SLC24A4: variants seen among roughly 807,000 people sequenced by gnomAD.
SLC24A4 encodes sodium/potassium/calcium exchanger 4.
In SLC24A4, 53 loss-of-function variants were observed where a neutral mutation model predicts 79.0. The ratio of observed to expected loss-of-function variants is 0.67; its 90% CI spans 0.54 to 0.84. SLC24A4 has a LOEUF of 0.84. SLC24A4 is among the 40% of genes least tolerant of loss of function. The pLI is 0.00. For missense variants in SLC24A4, 731 were observed against 822.0 expected (o/e 0.89, Z 1.35); for synonymous variants, 323 against 323.8 (o/e 1.00, Z 0.03).
chr14:92,493,801 G>T lies in SLC24A4; in HGVS notation c.*173G>T. 1 of 760,378 alleles carries T rather than the reference G, an allele frequency of 1.3e-6. No homozygotes were observed. Among genetic ancestry groups the T allele is most frequent in the Non-Finnish European group, 2.1e-6 (1 of 483,918 alleles). 47.1% of individuals were successfully genotyped at this position (760,378 alleles called of 1,614,324 possible). A position where few individuals can be genotyped will look rare whatever the true frequency, so the allele number is the denominator to read the frequency against. ...TTGTCTGGCCACAGGCCAGGCTGCT[G>T]GGCATCCTCCTCCTCCTTGGAGTTC... On this transcript the variant is annotated 3_prime_UTR_variant, in exon 17 of 17. Transcript: ENST00000532405.
rs77117922 is a variant in SLC24A4 at position 92,375,883 on chromosome 14, A to G, written c.241+49905A>G. 8.1e-3 allele frequency among the ~76,000 whole-genome samples: 1,234 copies of G among 152,266 alleles called. 18 individuals are homozygous for G. Among genetic ancestry groups the G allele is most frequent in the African/African-American group, 0.029 (1,196 of 41,552 alleles). ...TTTTGTGATGAGGAAAATATTTGCA[A>G]CAAGATGGTTCTTCCCAAAGGTGGT... is the stretch of plus-strand genomic sequence containing the variant. On this transcript the variant is annotated intron_variant, in intron 2 of 16. Coordinates refer to ENST00000532405, the MANE Select transcript of SLC24A4 (RefSeq NM_153646.4).
intron 2 of SLC24A4, among the ~76,000 whole-genome samples, chr14:92,379,784 C>T (rs1888726801): frequency 6.6e-6 from 1 of 152,140 alleles, no homozygotes; most frequent in African/African-American, 2.4e-5. Flanking sequence ...CCTGCTCACC[C>T]TGCTCTCCCA....
intron 2 of SLC24A4, among the ~76,000 whole-genome samples, chr14:92,358,377 G>A (rs1887298670): frequency 6.6e-6 from 1 of 152,158 alleles, no homozygotes; most frequent in Non-Finnish European, 1.5e-5. Flanking sequence ...GAGAGCACAA[G>A]TGGAAATCCC....
At chr14:92,489,915 G>A (rs1358672027) in intron 14 of SLC24A4, among the ~76,000 whole-genome samples, 4 of 152,130 alleles carry the variant, frequency 2.6e-5, no homozygotes, top group South Asian at 2.1e-4. Context: ...GCATGTTCCC[G>A]CATCTTACCG....
rs1188827789 is a variant in SLC24A4, at chr14:92,341,449, TCGATAAAGG to T, written c.241+15476_241+15484del. On this transcript the variant is annotated intron_variant, in intron 2 of 16. Transcript: ENST00000532405. ...AACTCCCCAGAGACCTGCAGGAGTG[TCGATAAAGG>T]CGATTAATGGAGTAGATAGAATGAC... Among the ~76,000 whole-genome samples, 4 of 152,144 alleles carry T rather than the reference TCGATAAAGG, an allele frequency of 2.6e-5. No individual in the cohort carries two copies. The East Asian group carries it at 7.7e-4, about 29-fold the overall frequency.
chr14:92,396,456 A>G (rs925373251), intron 2 of SLC24A4, among the ~76,000 whole-genome samples: 4 of 152,146 alleles, frequency 2.6e-5, no homozygotes. Context: ...TCCTTTGTGG[A>G]CCACAGTGTA....
At chr14:92,434,442 A>C (rs1892053932) in intron 3 of SLC24A4, among the ~76,000 whole-genome samples, 1 of 152,170 alleles carries the variant, frequency 6.6e-6, no homozygotes, top group African/African-American at 2.4e-5. Context: ...ACTATTTTTC[A>C]GTGTTATGAT....
At chr14:92,432,039 C>G (rs1449106798) in intron 2 of SLC24A4, among the ~76,000 whole-genome samples, 1 of 152,204 alleles carries the variant, frequency 6.6e-6, no homozygotes, top group Non-Finnish European at 1.5e-5. Flanking sequence ...TAGTGCCTGC[C>G]TTGTGGGTTC....
At position 92,370,247 on chromosome 14, in the gene SLC24A4, C is replaced by T. The variant is rs182039932; in HGVS notation, c.241+44269C>T. Among the ~76,000 whole-genome samples the T allele has an allele frequency of 4.2e-3, 646 of 152,254 alleles. 2 individuals are homozygous for T. The highest frequency in any genetic ancestry group is 6.7e-3 in the Non-Finnish European group (457 of 68,010). On this transcript the variant is annotated intron_variant, in intron 2 of 16. Coordinates refer to ENST00000532405, the MANE Select transcript of SLC24A4 (RefSeq NM_153646.4). ...ATAAAATAGAGAAAGTCTTCCAGAA[C>T]GTAGAGCAAAAAGACAAAGATTTAG...
At position 92,491,193 on chromosome 14, in the gene SLC24A4, T is replaced by G. The variant is rs148058613; in HGVS notation, c.1538-472T>G. Among the ~76,000 whole-genome samples the G allele has an allele frequency of 3.5e-3, 526 of 152,346 alleles. 2 individuals carry two copies. The highest frequency in any genetic ancestry group is 3.6e-3 in the Non-Finnish European group (244 of 68,036). ...GAGTATATTTATCCCGCTATTTATT[T>G]TTTCAATAACTGTGACCTCCTGCAC... On this transcript the variant is annotated intron_variant, in intron 14 of 16. Transcript: ENST00000532405.
At chr14:92,406,634 T>A (rs892120274) in intron 2 of SLC24A4, among the ~76,000 whole-genome samples, 2 of 152,174 alleles carry the variant, frequency 1.3e-5, no homozygotes, top group African/African-American at 4.8e-5. Flanking sequence ...GGGGATTACA[T>A]CCTCTGAAAC....
chr14:92,414,574 AAAAC>A (rs1048534519), intron 2 of SLC24A4, among the ~76,000 whole-genome samples: 7 of 152,044 alleles, frequency 4.6e-5, no homozygotes, highest in African/African-American at 7.3e-5. Context: ...CAGCTCTACA[AAAAC>A]AAACAAACAA....
intron 2 of SLC24A4, among the ~76,000 whole-genome samples, chr14:92,385,983 T>C (rs1288315270): frequency 6.6e-6 from 1 of 152,008 alleles, no homozygotes; most frequent in East Asian, 1.9e-4. Flanking sequence ...GATGGATGGC[T>C]CGATCGCAGG....
chr14:92,451,347 C>G (rs1474928847), intron 10 of SLC24A4: 1 of 152,308 alleles, frequency 6.6e-6, no homozygotes, highest in Non-Finnish European at 1.5e-5. Flanking sequence ...CCTGCGTAGA[C>G]TCGACTGAAG....
chr14:92,334,564 C>G (rs1180381756), intron 2 of SLC24A4, among the ~76,000 whole-genome samples: 1 of 152,154 alleles, frequency 6.6e-6, no homozygotes, highest in Non-Finnish European at 1.5e-5. Flanking sequence ...TCTTTCTTAA[C>G]AAAAGGAAGT....
At chr14:92,444,615 A>C (rs991519398) in intron 7 of SLC24A4, among the ~76,000 whole-genome samples, 5 of 152,110 alleles carry the variant, frequency 3.3e-5, no homozygotes, top group African/African-American at 1.2e-4. Flanking sequence ...AGCACTTTGG[A>C]AGGCCGAGGC....
In SLC24A4 at chr14:92,491,646, GTGT is replaced by G; in HGVS notation, c.1538-12_1538-10del. 2 of 1,536,160 alleles carry G rather than the reference GTGT, an allele frequency of 1.3e-6. No homozygotes were observed. The highest frequency in any genetic ancestry group is 1.8e-6 in the Non-Finnish European group (2 of 1,109,020). On this transcript the variant is annotated splice_polypyrimidine_tract_variant and intron_variant, in intron 14 of 16. Coordinates refer to ENST00000532405, the MANE Select transcript of SLC24A4 (RefSeq NM_153646.4). ...GGTGACCTGCTCTTATAAAATAAAT[GTGT>G]TGTTGTCCCCTGCAGGCCTTGGGGA...
Position 92,493,960 on chromosome 14 carries a change from T to C in SLC24A4, c.*332T>C, listed in dbSNP as rs976688267. 3.8e-6 allele frequency: 1 copy of C among 259,758 alleles called. No individual in the cohort carries two copies. Among genetic ancestry groups the C allele is most frequent in the Non-Finnish European group, 7.4e-6 (1 of 134,848 alleles). The allele number at this position is 259,758 out of a possible 1,614,324, so 16.1% of individuals were successfully genotyped here. A position where few individuals can be genotyped will look rare whatever the true frequency, so the allele number is the denominator to read the frequency against. On this transcript the variant is annotated 3_prime_UTR_variant, in exon 17 of 17. Transcript: ENST00000532405. ...GTCAGAAGGACTTCTGCATGCAGTT[T>C]GTCTTTCTGTTCTGCAGGCAGCTTC...
At chr14:92,331,022 G>A (rs1024736558) in intron 2 of SLC24A4, among the ~76,000 whole-genome samples, 2 of 152,200 alleles carry the variant, frequency 1.3e-5, no homozygotes, top group Non-Finnish European at 2.9e-5. Context: ...AGAGACACCA[G>A]GGGGACTTGA....
Sources: allele counts gnomAD v4.1 joint callset (sites outside exome capture counted in the v4.1 genomes callset), GRCh38; gene constraint gnomAD v4.1.1; transcripts MANE v1.5; gene names NCBI Gene and HGNC (gene_info 2026-07-23, HGNC 2026-07-21).